Variants in CRYL1 observed in about 807,000 individuals in gnomAD.
CRYL1 encodes lambda-crystallin homolog.
A neutral mutation model predicts 36.6 loss-of-function variants in CRYL1; 29 were observed. The observed-to-expected ratio is 0.79, with a 90% CI of 0.59 to 1.08. The LOEUF (loss-of-function observed/expected upper bound fraction) is 1.08. Ranked by LOEUF, CRYL1 falls within the 50% of genes least tolerant of loss-of-function variation. CRYL1 has a pLI of 0.00. For missense variants in CRYL1, 411 were observed against 407.9 expected (o/e 1.01, Z -0.06); for synonymous variants, 152 against 151.5 (o/e 1.00, Z -0.02).
intron 1 of CRYL1, among the ~76,000 whole-genome samples, chr13:20,518,559 G>A (rs1328402861): frequency 6.6e-6 from 1 of 152,146 alleles, no homozygotes; most frequent in Non-Finnish European, 1.5e-5. Flanking sequence ...GCAATGGAGG[G>A]ATTTTGGTTT....
At chr13:20,465,221 G>A (rs189285219) in intron 3 of CRYL1, among the ~76,000 whole-genome samples, 1 of 152,290 alleles carries the variant, frequency 6.6e-6, no homozygotes, top group East Asian at 1.9e-4. Flanking sequence ...CTAAAGGACA[G>A]ATAAACAAGG....
Position 20,404,063 on chromosome 13 carries a change from T to A in CRYL1, c.*66A>T. 1.8e-6 allele frequency: 2 copies of A among 1,129,586 alleles called. No individual in the cohort carries two copies. The highest frequency in any genetic ancestry group is 3.0e-5 in the African/African-American group (2 of 65,612). The allele number at this position is 1,129,586 out of a possible 1,614,324, so 70.0% of individuals were successfully genotyped here. A position where few individuals can be genotyped will look rare whatever the true frequency, so the allele number is the denominator to read the frequency against. On this transcript the variant is annotated 3_prime_UTR_variant, in exon 8 of 8. Transcript: ENST00000298248. ...GCTACCTATGTCACAGAGGGCTGAT[T>A]AAGGGCTTGCAGTGTTCCCAAATAG...
intron 1 of CRYL1, among the ~76,000 whole-genome samples, chr13:20,517,907 G>A (rs2034030462): frequency 1.5e-5 from 2 of 133,164 alleles, no homozygotes; most frequent in South Asian, 2.4e-4. Flanking sequence ...CTGCACTCCA[G>A]CCTGGGCGAC....
At chr13:20,473,826 A>G (rs1340039828) in intron 3 of CRYL1, among the ~76,000 whole-genome samples, 1 of 152,214 alleles carries the variant, frequency 6.6e-6, no homozygotes, top group Admixed American at 6.5e-5. Flanking sequence ...TTTATACAAT[A>G]AAACAATGGC....
chr13:20,492,075 C>T (rs9509247), intron 2 of CRYL1, among the ~76,000 whole-genome samples: 85,164 of 151,958 alleles, frequency 0.56, 24,102 homozygotes, highest in South Asian at 0.6. Context: ...CAGACATTCA[C>T]GGGTCCTACA....
At chr13:20,510,315 A>G (rs1391956177) in intron 2 of CRYL1, among the ~76,000 whole-genome samples, 2 of 152,236 alleles carry the variant, frequency 1.3e-5, no homozygotes, top group Non-Finnish European at 2.9e-5. Flanking sequence ...AGGCAATGCA[A>G]TATCATTCAA....
At chr13:20,459,211 G>A (rs916161693) in intron 3 of CRYL1, among the ~76,000 whole-genome samples, 1 of 147,266 alleles carries the variant, frequency 6.8e-6, no homozygotes, top group Admixed American at 6.8e-5. Flanking sequence ...ACTCCAGCCT[G>A]GGCGACAGAG....
At position 20,426,281 on chromosome 13, in the gene CRYL1, TA is replaced by T. The variant is rs35582177; in HGVS notation, c.633+5820del. The stretch of plus-strand genomic sequence containing the variant: ...TAAAAGTGAACTGTCTATCTTTATT[TA>T]AAAAAAAAAAAAAAGAGGGTCTCAC... On this transcript the variant is annotated intron_variant, in intron 5 of 7. Transcript: ENST00000298248. Among the ~76,000 whole-genome samples the T allele has an allele frequency of 1.5e-3, 217 of 144,482 alleles. 1 individual carries two copies. The highest frequency in any genetic ancestry group is 4.2e-3 in the East Asian group (21 of 5,006). The allele number at this position is 144,482 out of a possible 152,430, so 94.8% of individuals were successfully genotyped here.
intron 1 of CRYL1, among the ~76,000 whole-genome samples, chr13:20,519,866 A>T (rs2034064317): frequency 6.6e-6 from 1 of 151,558 alleles, no homozygotes; most frequent in Non-Finnish European, 1.5e-5. Context: ...TGGAAGAGAT[A>T]TTTAAAGATA....
chr13:20,486,403 G>C (rs9552199), intron 3 of CRYL1, among the ~76,000 whole-genome samples: 31,309 of 151,642 alleles, frequency 0.21, 3,399 homozygotes, highest in Non-Finnish European at 0.25. Flanking sequence ...CGTGGCCTTA[G>C]AAACATCCTC....
At chr13:20,501,273 A>G (rs1221054754) in intron 2 of CRYL1, among the ~76,000 whole-genome samples, 1 of 152,216 alleles carries the variant, frequency 6.6e-6, no homozygotes, top group Non-Finnish European at 1.5e-5. Context: ...ATGTCTCCAT[A>G]TCCCAGATGA....
At chr13:20,406,070 C>T (rs1295483993) in intron 6 of CRYL1, 3 of 152,226 alleles carry the variant, frequency 2.0e-5, no homozygotes, top group African/African-American at 7.2e-5. Context: ...ACTGCTGCGA[C>T]CCTGACTCAT....
chr13:20,417,090 C>T (rs1170039220), intron 5 of CRYL1, among the ~76,000 whole-genome samples: 1 of 152,194 alleles, frequency 6.6e-6, no homozygotes. Context: ...AAAAGGACCA[C>T]AAGGCATTCA....
intron 2 of CRYL1, among the ~76,000 whole-genome samples, chr13:20,508,937 T>A (rs2137504646): frequency 7.1e-6 from 1 of 140,628 alleles, no homozygotes; most frequent in Non-Finnish European, 1.5e-5. Flanking sequence ...ACACCTATAA[T>A]CCCATATAAT....
chr13:20,498,283 ACAC>A (rs953341561), intron 2 of CRYL1, among the ~76,000 whole-genome samples: 7 of 151,890 alleles, frequency 4.6e-5, no homozygotes, highest in African/African-American at 1.2e-4. Flanking sequence ...CACTACACAC[ACAC>A]CACCATACAC....
At chr13:20,413,452 C>T in intron 5 of CRYL1, 65 bp from the exon 6 acceptor site, 1 of 992,368 alleles carries the variant, frequency 1.0e-6, no homozygotes, top group Non-Finnish European at 1.6e-6. Flanking sequence ...ACCACCACTT[C>T]CATCCTAACT....
At chr13:20,514,641 A>G (rs984088924) in intron 1 of CRYL1, among the ~76,000 whole-genome samples, 1 of 152,232 alleles carries the variant, frequency 6.6e-6, no homozygotes, top group Non-Finnish European at 1.5e-5. Context: ...TGTGTTGGTC[A>G]TGAATAGCCA....
intron 3 of CRYL1, among the ~76,000 whole-genome samples, chr13:20,454,975 T>C (rs1555228812): frequency 5.9e-5 from 9 of 152,046 alleles, no homozygotes; most frequent in Non-Finnish European, 1.0e-4. Context: ...GAGAAAGATA[T>C]AAAAAGCATA....
intron 1 of CRYL1, among the ~76,000 whole-genome samples, chr13:20,524,005 A>T (rs867055758): frequency 1.3e-5 from 2 of 152,190 alleles, no homozygotes; most frequent in African/African-American, 2.4e-5. Context: ...CACAACTGTA[A>T]CCCCAACACT....
Sources: allele counts gnomAD v4.1 joint callset (sites outside exome capture counted in the v4.1 genomes callset), GRCh38; gene constraint gnomAD v4.1.1; transcripts MANE v1.5; gene names NCBI Gene and HGNC (gene_info 2026-07-23, HGNC 2026-07-21).